Variants in ATAD1 observed in about 807,000 individuals in gnomAD.
ATAD1 encodes ATPase family AAA domain containing 1, also known as outer mitochondrial transmembrane helix translocase.
Under a neutral mutation model 42.7 loss-of-function variants are expected in ATAD1, and 18 were observed. The observed-to-expected ratio is 0.42, with a 90% CI of 0.29 to 0.63. The LOEUF (loss-of-function observed/expected upper bound fraction) is 0.63. ATAD1 is among the 20% of genes least tolerant of loss of function. The pLI is 0.19. For missense variants in ATAD1, 294 were observed against 440.4 expected (o/e 0.67, Z 2.98); for synonymous variants, 132 against 143.1 (o/e 0.92, Z 0.55).
At chr10:87,799,508 A>G (rs1324191640) in intron 2 of ATAD1, among the ~76,000 whole-genome samples, 1 of 152,214 alleles carries the variant, frequency 6.6e-6, no homozygotes, top group Non-Finnish European at 1.5e-5. Flanking sequence ...AAGTTAGTTC[A>G]GCCTATGCCC....
At chr10:87,836,896 G>C (rs1480831657) in intron 1 of ATAD1, among the ~76,000 whole-genome samples, 1 of 152,186 alleles carries the variant, frequency 6.6e-6, no homozygotes, top group East Asian at 1.9e-4. Context: ...GTTCACATTG[G>C]ATAATTTCTG....
rs552525768 is a variant in ATAD1 at position 87,753,595 on chromosome 10, G to T, written c.*1092C>A. ...AGATACAATATGGGCATTTTGATGT[G>T]TACATTTGTACCTGACTTAGGGCAC... On this transcript the variant is annotated 3_prime_UTR_variant, in exon 10 of 10. Coordinates refer to ENST00000680024, the MANE Select transcript of ATAD1 (RefSeq NM_001321967.2). 2 of 152,558 alleles carry T rather than the reference G, an allele frequency of 1.3e-5. No homozygotes were observed. The highest frequency in any genetic ancestry group is 1.3e-4 in the Admixed American group (2 of 15,274). 9.5% of individuals were successfully genotyped at this position (152,558 alleles called of 1,614,324 possible).
intron 5 of ATAD1, among the ~76,000 whole-genome samples, chr10:87,776,919 T>G (rs575513273): frequency 6.6e-6 from 1 of 152,264 alleles, no homozygotes; most frequent in South Asian, 2.1e-4. Context: ...CATAAATATG[T>G]GCAATTATTA....
intron 2 of ATAD1, among the ~76,000 whole-genome samples, chr10:87,795,398 T>C (rs1564765098): frequency 6.6e-6 from 1 of 151,904 alleles, no homozygotes; most frequent in African/African-American, 2.4e-5. Context: ...AAATGGCTTA[T>C]GTTTATGCAT....
At chr10:87,802,882 T>C (rs1039950529) in intron 2 of ATAD1, among the ~76,000 whole-genome samples, 2 of 152,256 alleles carry the variant, frequency 1.3e-5, no homozygotes, top group African/African-American at 4.8e-5. Context: ...ATTCAAACTT[T>C]TCTTGGCTAC....
rs200841763 is a variant in ATAD1 at position 87,762,672 on chromosome 10, TG to T, written c.831+5000del. Among the ~76,000 whole-genome samples the T allele has an allele frequency of 4.8e-3, 724 of 151,854 alleles. 6 individuals are homozygous for T. The highest frequency in any genetic ancestry group is 0.016 in the African/African-American group (673 of 41,436). ...TAGTAGAGACAGGGTTTCACCATGT[TG>T]GCCAGGCTGGTTTCGAACTCCTGAC... On this transcript the variant is annotated intron_variant, in intron 8 of 9. Transcript: ENST00000680024.
At chr10:87,820,795 C>G (rs1857618192), upstream of ATAD1, among the ~76,000 whole-genome samples, 1 of 152,146 alleles carries the variant, frequency 6.6e-6, no homozygotes, top group African/African-American at 2.4e-5. Context: ...CCTAAGACAT[C>G]AAGTACATTC....
chr10:87,825,436 A>G (rs1180445501), intron 1 of ATAD1, among the ~76,000 whole-genome samples: 1 of 151,054 alleles, frequency 6.6e-6, no homozygotes, highest in Admixed American at 6.6e-5. Flanking sequence ...CAGCCTCCCG[A>G]GTAGCTGAGA....
intron 2 of ATAD1, among the ~76,000 whole-genome samples, chr10:87,803,198 A>G (rs1410222894): frequency 6.6e-6 from 1 of 152,172 alleles, no homozygotes; most frequent in Non-Finnish European, 1.5e-5. Context: ...CTTCACAACC[A>G]GCTAAAATTG....
chr10:87,792,759 G>C lies in ATAD1; in HGVS notation c.163-4C>G, dbSNP rs1450624024. 9.9e-6 allele frequency: 16 copies of C among 1,608,380 alleles called. No individual in the cohort carries two copies. Among genetic ancestry groups the C allele is most frequent in the Middle Eastern group, 1.6e-4 (1 of 6,076 alleles). ...TTTGCTTCATTAGTTTTTCTGCCTA[G>C]AATGAAAAGAACAAACAACCTGCTT... On this transcript the variant is annotated splice_polypyrimidine_tract_variant and splice_region_variant and intron_variant, in intron 2 of 9. Coordinates refer to ENST00000680024, the MANE Select transcript of ATAD1 (RefSeq NM_001321967.2).
At chr10:87,785,777 AT>A (rs1564757066) in intron 4 of ATAD1, among the ~76,000 whole-genome samples, 1 of 151,874 alleles carries the variant, frequency 6.6e-6, no homozygotes, top group African/African-American at 2.4e-5. Context: ...TAGCAATTTT[AT>A]TTTTCACATC....
chr10:87,784,332 T>C (rs942659677), intron 5 of ATAD1, 138 bp downstream of exon 5: 2 of 747,708 alleles, frequency 2.7e-6, no homozygotes, highest in African/African-American at 3.5e-5. Context: ...ACACAGAAAT[T>C]ATACATAGCA....
chr10:87,778,937 G>A (rs1335341114), intron 5 of ATAD1, among the ~76,000 whole-genome samples: 1 of 152,252 alleles, frequency 6.6e-6, no homozygotes, highest in Middle Eastern at 3.4e-3. Context: ...TAATATAGAA[G>A]AAAATCTAGG....
chr10:87,834,381 G>T (rs1857892463), intron 1 of ATAD1, among the ~76,000 whole-genome samples: 2 of 152,094 alleles, frequency 1.3e-5, no homozygotes, highest in Non-Finnish European at 2.9e-5. Flanking sequence ...ACCTTAAAAT[G>T]ATTGATAGAA....
chr10:87,798,320 CCTTTCAAGCA>C (rs1856498001), intron 2 of ATAD1, among the ~76,000 whole-genome samples: 1 of 152,102 alleles, frequency 6.6e-6, no homozygotes, highest in Non-Finnish European at 1.5e-5. Context: ...AGAATGATCC[CCTTTCAAGCA>C]CTCCGTAGGT....
chr10:87,829,066 AT>A (rs1857779912), intron 1 of ATAD1, among the ~76,000 whole-genome samples: 1 of 152,182 alleles, frequency 6.6e-6, no homozygotes, highest in Non-Finnish European at 1.5e-5. Context: ...CTACTAACAC[AT>A]CATCCATTCT....
chr10:87,755,060 A>G (rs1482101930), intron 9 of ATAD1, among the ~76,000 whole-genome samples: 1 of 152,244 alleles, frequency 6.6e-6, no homozygotes, highest in Admixed American at 6.5e-5. Flanking sequence ...AAAAGCACTG[A>G]GTGCTAAGAA....
intron 3 of ATAD1, 124 bp downstream of exon 3, chr10:87,792,533 C>T (rs1856174130): frequency 4.4e-6 from 3 of 675,646 alleles, no homozygotes; most frequent in Admixed American, 2.8e-5. Context: ...AACTATATGC[C>T]GAGTCTTATG....
chr10:87,790,338 C>T lies in ATAD1; in HGVS notation c.354G>A (p.Glu118=), dbSNP rs1856036721. The T allele has an allele frequency of 6.2e-7, 1 of 1,612,982 alleles. No homozygotes were observed. The highest frequency in any genetic ancestry group is 8.5e-7 in the Non-Finnish European group (1 of 1,179,738). ...ILPIKKKHLF[E]NSRLLQPPKG... Reference sequence around the variant, plus strand: ...TTGGAGGCTGCAGAAGCCTGGAATTCTCAAACAAATGTTTCTTTTTGATAG... The same window carrying T: ...TTGGAGGCTGCAGAAGCCTGGAATTTTCAAACAAATGTTTCTTTTTGATAG... Residue 118 remains glutamate (E), a synonymous_variant, in exon 4 of 10, where the codon GAG becomes GAA. Coordinates refer to ENST00000680024, the MANE Select transcript of ATAD1 (RefSeq NM_001321967.2).
Sources: gnomAD v4.1 joint callset for allele counts (sites outside exome capture counted in the v4.1 genomes callset) on GRCh38, gnomAD v4.1.1 for gene constraint, MANE v1.5 for transcripts, NCBI Gene and HGNC (gene_info 2026-07-23, HGNC 2026-07-21) for gene names.